The following MACROD2 variants were observed in gnomAD, a reference collection of about 807,000 sequenced individuals.
MACROD2 encodes ADP-ribose glycohydrolase MACROD2.
MACROD2 carries 36 observed loss-of-function variants against 70.4 expected under a neutral mutation model. The observed-to-expected ratio is 0.51, with a 90% CI of 0.39 to 0.68. The LOEUF is 0.68. Ranked by LOEUF, MACROD2 falls within the 30% of genes least tolerant of loss-of-function variation. The pLI is 0.00. For synonymous variants in MACROD2, 172 were observed against 178.8 expected (o/e 0.96, Z 0.30); for missense variants, 496 against 538.4 (o/e 0.92, Z 0.78).
intron 4 of MACROD2, among the ~76,000 whole-genome samples, chr20:14,627,634 C>A (rs543483739): frequency 6.6e-6 from 1 of 152,294 alleles, no homozygotes; most frequent in Non-Finnish European, 1.5e-5. Flanking sequence ...CATCAAAATA[C>A]AATTTAATTT....
At chr20:14,332,491 T>C (rs1449309087) in intron 3 of MACROD2, among the ~76,000 whole-genome samples, 2 of 152,142 alleles carry the variant, frequency 1.3e-5, no homozygotes, top group African/African-American at 2.4e-5. Flanking sequence ...TGAAGCTGTA[T>C]AATAGTAGTG....
At chr20:15,156,026 G>A (rs978203260) in intron 5 of MACROD2, among the ~76,000 whole-genome samples, 1 of 152,176 alleles carries the variant, frequency 6.6e-6, no homozygotes, top group East Asian at 1.9e-4. Context: ...GTGGTAAGGT[G>A]TGACATTTGC....
At chr20:14,997,342 T>C (rs1194408277) in intron 5 of MACROD2, among the ~76,000 whole-genome samples, 1 of 152,060 alleles carries the variant, frequency 6.6e-6, no homozygotes, top group East Asian at 1.9e-4. Flanking sequence ...GGGAAGTATC[T>C]AGTCTTGGCA....
At chr20:15,873,683 A>C (rs1221103370) in intron 9 of MACROD2, among the ~76,000 whole-genome samples, 1 of 152,070 alleles carries the variant, frequency 6.6e-6, no homozygotes, top group African/African-American at 2.4e-5. Flanking sequence ...ATATATAAAA[A>C]AGAAAGAAGG....
chr20:14,521,409 T>C (rs2085167899), intron 4 of MACROD2, among the ~76,000 whole-genome samples: 1 of 152,360 alleles, frequency 6.6e-6, no homozygotes, highest in South Asian at 2.1e-4. Flanking sequence ...GTTAGCTTAT[T>C]GTATGCCAGG....
chr20:14,745,129 A>G (rs2071783336), intron 5 of MACROD2, among the ~76,000 whole-genome samples: 1 of 152,136 alleles, frequency 6.6e-6, no homozygotes, highest in Admixed American at 6.5e-5. Flanking sequence ...TAGAAATTGG[A>G]CTAGGGACTT....
At chr20:15,507,459 TTTC>T (rs1344048725) in intron 8 of MACROD2, among the ~76,000 whole-genome samples, 1 of 151,602 alleles carries the variant, frequency 6.6e-6, no homozygotes, top group Admixed American at 6.6e-5. Flanking sequence ...TCTTTTTTAT[TTTC>T]TTCTTTTCTT....
rs142947787 is a variant in MACROD2, at chr20:15,840,054, C to T, written c.646-22691C>T. Reference sequence around the variant, plus strand: ...ATAGAAACTGATAAATGAATATTACCTATGATTATTTTATCATTCTTCTAT... The same window carrying T: ...ATAGAAACTGATAAATGAATATTACTTATGATTATTTTATCATTCTTCTAT... On this transcript the variant is annotated intron_variant, in intron 8 of 17. Transcript: ENST00000684519. Among the ~76,000 whole-genome samples, 396 of 152,078 alleles carry T rather than the reference C, an allele frequency of 2.6e-3. 2 individuals carry two copies. The highest frequency in any genetic ancestry group is 9.1e-3 in the African/African-American group (378 of 41,470).
intron 5 of MACROD2, among the ~76,000 whole-genome samples, chr20:15,090,206 CAT>C (rs10566528): frequency 0.37 from 55,729 of 150,668 alleles, 10,562 homozygotes; most frequent in East Asian, 0.54. Context: ...GATAAATGTA[CAT>C]ATATATATAT....
intron 4 of MACROD2, among the ~76,000 whole-genome samples, chr20:14,679,633 T>C (rs1202772270): frequency 5.9e-5 from 9 of 152,232 alleles, no homozygotes; most frequent in Admixed American, 3.9e-4. Context: ...TAAACTCTTA[T>C]ATTGAGTTTG....
At chr20:14,103,406 TC>T (rs1329163487) in intron 3 of MACROD2, among the ~76,000 whole-genome samples, 1 of 152,204 alleles carries the variant, frequency 6.6e-6, no homozygotes, top group Non-Finnish European at 1.5e-5. Context: ...GAGATCGTCT[TC>T]TCTCTTTGAG....
chr20:14,844,689 G>A (rs937091953), intron 5 of MACROD2, among the ~76,000 whole-genome samples: 3 of 151,940 alleles, frequency 2.0e-5, no homozygotes, highest in Admixed American at 6.6e-5. Flanking sequence ...AAAAAGAAAG[G>A]CATAAACATA....
chr20:15,487,122 T>TA lies in MACROD2; in HGVS notation c.572-12649dup, dbSNP rs1270245189. Among the ~76,000 whole-genome samples the TA allele has an allele frequency of 5.9e-5, 9 of 152,302 alleles. No homozygotes were observed. In the East Asian group the frequency reaches 1.7e-3, roughly 29 times the overall value. On this transcript the variant is annotated intron_variant, in intron 7 of 17. Coordinates refer to ENST00000684519, the MANE Select transcript of MACROD2 (RefSeq NM_001351661.2). ...TCACATCTGCTCACATACCACTGAC[T>TA]AAAGCAAGTCAGATGGCCAAAGTCA...
At chr20:14,318,186 A>G (rs188650413) in intron 3 of MACROD2, among the ~76,000 whole-genome samples, 144 of 152,258 alleles carry the variant, frequency 9.5e-4, no homozygotes, top group Middle Eastern at 3.4e-3. Flanking sequence ...CCCCCAACAT[A>G]CATTCAACAG....
chr20:15,613,499 A>G (rs1226934347), intron 8 of MACROD2, among the ~76,000 whole-genome samples: 1 of 152,222 alleles, frequency 6.6e-6, no homozygotes, highest in African/African-American at 2.4e-5. Flanking sequence ...AATCATTTTA[A>G]TTGAAACAAG....
At chr20:15,798,559 C>G (rs1472043487) in intron 8 of MACROD2, among the ~76,000 whole-genome samples, 1 of 152,136 alleles carries the variant, frequency 6.6e-6, no homozygotes, top group African/African-American at 2.4e-5. Context: ...AAGTCACAAG[C>G]CTGCTCAAAT....
At chr20:15,435,080 C>G (rs1408525377) in intron 7 of MACROD2, among the ~76,000 whole-genome samples, 1 of 152,036 alleles carries the variant, frequency 6.6e-6, no homozygotes, top group African/African-American at 2.4e-5. Context: ...GTGTACACTG[C>G]TTGGGTGACA....
Position 14,364,899 on chromosome 20 carries a change from T to G in MACROD2, c.272-128580T>G, listed in dbSNP as rs181695405. On this transcript the variant is annotated intron_variant, in intron 3 of 17. Transcript: ENST00000684519. ...GTAGTATTTTGTTGAAAACTTTTTTTCATTTATATTCATGAGCAATATTGG... is the reference window on the plus strand; with the variant it reads ...GTAGTATTTTGTTGAAAACTTTTTTGCATTTATATTCATGAGCAATATTGG... Among the ~76,000 whole-genome samples, 205 of 152,352 alleles carry G rather than the reference T, an allele frequency of 1.3e-3. 1 individual carries two copies. The highest frequency in any genetic ancestry group is 2.4e-3 in the Non-Finnish European group (164 of 68,032).
rs117907210 is a variant in MACROD2 at position 15,885,168 on chromosome 20, A to T, written c.728-596A>T. On this transcript the variant is annotated intron_variant, in intron 9 of 17. Coordinates refer to ENST00000684519, the MANE Select transcript of MACROD2 (RefSeq NM_001351661.2). ...AGAGCAAGCGTGTCATCTATAGTGC[A>T]GAGGAATCACATGTCCTTGTCCAGT... Among the ~76,000 whole-genome samples the T allele has an allele frequency of 4.3e-3, 662 of 152,248 alleles. 3 individuals are homozygous for T. The highest frequency in any genetic ancestry group is 8.1e-3 in the Non-Finnish European group (554 of 67,990).
Sources: allele counts gnomAD v4.1 joint callset (sites outside exome capture counted in the v4.1 genomes callset), GRCh38; gene constraint gnomAD v4.1.1; transcripts MANE v1.5; gene names NCBI Gene and HGNC (gene_info 2026-07-23, HGNC 2026-07-21).